Variants in TAF10 observed in about 807,000 individuals in gnomAD.
The protein encoded by TAF10 is transcription initiation factor TFIID subunit 10.
A neutral mutation model predicts 18.1 loss-of-function variants in TAF10; 2 were observed. The observed-to-expected ratio is 0.11, with a 90% CI of 0.05 to 0.35. The LOEUF (loss-of-function observed/expected upper bound fraction) is 0.35, where lower values mean the gene tolerates loss of function less well. TAF10 is among the 10% of genes least tolerant of loss of function. The pLI is 1.00. For synonymous variants in TAF10, 158 were observed against 134.6 expected (o/e 1.17, Z -1.20); for missense variants, 293 against 306.9 (o/e 0.95, Z 0.34).
Position 6,610,288 on chromosome 11 carries a change from C to CAACAGCATACATTTGTGTTGCGGG in TAF10, c.*610_*633dup. 1 of 1,614,110 alleles carries CAACAGCATACATTTGTGTTGCGGG rather than the reference C, an allele frequency of 6.2e-7. No homozygotes were observed. Among genetic ancestry groups the CAACAGCATACATTTGTGTTGCGGG allele is most frequent in the Non-Finnish European group, 8.5e-7 (1 of 1,180,040 alleles). ...GGAGATTGGAATGAAGGTGAGAGCACAACAGCATACATTTGTGTTGCGGGA... is the reference window on the plus strand; with the variant it reads ...GGAGATTGGAATGAAGGTGAGAGCACAACAGCATACATTTGTGTTGCGGGAACAGCATACATTTGTGTTGCGGGA... On this transcript the variant is annotated 3_prime_UTR_variant, in exon 5 of 5. Coordinates refer to ENST00000299424, the MANE Select transcript of TAF10 (RefSeq NM_006284.4).
chr11:6,609,128 C>G lies in TAF10; in HGVS notation c.*1794G>C. On this transcript the variant is annotated 3_prime_UTR_variant, in exon 5 of 5. Transcript: ENST00000299424. ...GACTTCAAACAGCTTAACTTCCTGACGAAGCTCAACGAGAATCACTCTGGA... is the reference window on the plus strand; with the variant it reads ...GACTTCAAACAGCTTAACTTCCTGAGGAAGCTCAACGAGAATCACTCTGGA... The G allele has an allele frequency of 6.2e-7, 1 of 1,614,128 alleles. No individual in the cohort carries two copies. The highest frequency in any genetic ancestry group is 1.1e-5 in the South Asian group (1 of 91,086).
chr11:6,611,225 C>G lies in TAF10; in HGVS notation c.531G>C (p.Lys177Asn), dbSNP rs1855449717. The stretch of plus-strand genomic sequence containing the variant: ...TCCGGGAGCTGCCGGAGGCCGTGCC[C>G]TTCATTTTGCAGTGCTGTAGGGCAT... ...ANDALQHCKM[K>N]GTASGSSRSK... Residue 177 changes from lysine (K) to asparagine (N), a missense_variant, in exon 4 of 5, where the codon AAG (lysine) becomes AAC (asparagine). Lys to Asn is a moderately conservative substitution (Grantham distance 94). Transcript: ENST00000299424. 1 of 1,613,994 alleles carries G rather than the reference C, an allele frequency of 6.2e-7. No homozygotes were observed. The highest frequency in any genetic ancestry group is 8.5e-7 in the Non-Finnish European group (1 of 1,180,040).
rs1474642222 is a variant in TAF10 at position 6,609,257 on chromosome 11, G to A, written c.*1665C>T. 8.7e-6 allele frequency: 14 copies of A among 1,603,820 alleles called. No homozygotes were observed. The highest frequency in any genetic ancestry group is 1.2e-5 in the Non-Finnish European group (14 of 1,170,816). ...CCTCCAGTTAGTGGGCAAGGAAGTG[G>A]CAGCAACATTTCAAGCCTCCTAACC... On this transcript the variant is annotated 3_prime_UTR_variant, in exon 5 of 5. Coordinates refer to ENST00000299424, the MANE Select transcript of TAF10 (RefSeq NM_006284.4).
rs1181885506 is a variant in TAF10 at position 6,609,843 on chromosome 11, A to G, written c.*1079T>C. The stretch of plus-strand genomic sequence containing the variant: ...ACATGCACTCAATAGCCGTAGTGTA[A>G]TGGTGAGGCCACAAGCTCACTCCTG... On this transcript the variant is annotated 3_prime_UTR_variant, in exon 5 of 5. Transcript: ENST00000299424. The G allele has an allele frequency of 6.2e-7, 1 of 1,614,080 alleles. No homozygotes were observed. The highest frequency in any genetic ancestry group is 8.5e-7 in the Non-Finnish European group (1 of 1,180,022).
In TAF10 at chr11:6,611,296, G is replaced by C. The variant is rs1227244704; in HGVS notation, c.460C>G (p.Leu154Val). 6.2e-7 allele frequency: 1 copy of C among 1,614,122 alleles called. No individual in the cohort carries two copies. Among genetic ancestry groups the C allele is most frequent in the Non-Finnish European group, 8.5e-7 (1 of 1,180,040 alleles). The change falls in exon 4 of 5, where the codon CTC becomes GTC. Residue 154 changes from leucine to valine, a missense_variant. Transcript: ENST00000299424. The stretch of plus-strand genomic sequence containing the variant: ...AATTTCTGGGCAGCTAAGGAGATGA[G>C]CCGAATTCTAGAGAGAAAAAACTTA... ...FEASDPRIIR[L>V]ISLAAQKFIS...
Position 6,610,455 on chromosome 11 carries a change from T to C in TAF10, c.*467A>G. On this transcript the variant is annotated 3_prime_UTR_variant, in exon 5 of 5. Coordinates refer to ENST00000299424, the MANE Select transcript of TAF10 (RefSeq NM_006284.4). Reference sequence around the variant, plus strand: ...TTGTGAGGCTGCTTTTTTTCTTGTATTCGCAGGTGGCATTGGAAGGCCTTC... The same window carrying C: ...TTGTGAGGCTGCTTTTTTTCTTGTACTCGCAGGTGGCATTGGAAGGCCTTC... The C allele has an allele frequency of 3.7e-6, 6 of 1,614,236 alleles. No homozygotes were observed. Among genetic ancestry groups the C allele is most frequent in the Non-Finnish European group, 5.1e-6 (6 of 1,180,046 alleles).
Position 6,611,942 on chromosome 11 carries a change from C to G in TAF10, c.232+16G>C. On this transcript the variant is annotated intron_variant, in intron 1 of 4. Transcript: ENST00000299424. ...CCCAAGACGCTTCCCTCGCCCTCAC[C>G]CGTCCCGGCCCTCACCCGCCCCACG... 1 of 1,574,302 alleles carries G rather than the reference C, an allele frequency of 6.4e-7. No individual in the cohort carries two copies. Among genetic ancestry groups the G allele is most frequent in the Non-Finnish European group, 8.6e-7 (1 of 1,167,490 alleles).
In TAF10 at chr11:6,607,666, T is replaced by A. The variant is rs1014070915; in HGVS notation, c.*3256A>T. The A allele has an allele frequency of 3.2e-6, 1 of 316,292 alleles. No homozygotes were observed. The highest frequency in any genetic ancestry group is 2.2e-5 in the African/African-American group (1 of 46,410). 19.6% of individuals were successfully genotyped at this position (316,292 alleles called of 1,614,324 possible). On this transcript the variant is annotated 3_prime_UTR_variant, in exon 5 of 5. Transcript: ENST00000299424. ...AGACAAGACAGTCCATTAACAGATT[T>A]TTACAATCCAGTGCAACAAGTGCTG...
Position 6,610,782 on chromosome 11 carries a change from C to A in TAF10, c.*140G>T. 1 of 1,324,430 alleles carries A rather than the reference C, an allele frequency of 7.6e-7. No homozygotes were observed. Among genetic ancestry groups the A allele is most frequent in the Non-Finnish European group, 1.1e-6 (1 of 933,798 alleles). The allele number at this position is 1,324,430 out of a possible 1,614,324, so 82.0% of individuals were successfully genotyped here. ...CCTACCACTGTGGCCCCAAGAGGGGCGGGCTCAGAGCTTTGTCACTTGCCA... is the reference window on the plus strand; with the variant it reads ...CCTACCACTGTGGCCCCAAGAGGGGAGGGCTCAGAGCTTTGTCACTTGCCA... On this transcript the variant is annotated 3_prime_UTR_variant, in exon 5 of 5. Transcript: ENST00000299424.
At position 6,611,724 on chromosome 11, in the gene TAF10, G is replaced by C. The variant is rs1266172723; in HGVS notation, c.327C>G (p.Pro109=). ...CCACCAAAGGCGTGCTGGACACCAC[G>C]GGCTTCACGTCTCCGTTGGCCGCGC... ...LPSAANGDVK[P]VVSSTPLVDF... The change falls in exon 2 of 5, where the codon CCC becomes CCG. Residue 109 remains proline (P), a synonymous_variant. Coordinates refer to ENST00000299424, the MANE Select transcript of TAF10 (RefSeq NM_006284.4). 1.9e-6 allele frequency: 3 copies of C among 1,611,344 alleles called. No individual in the cohort carries two copies. Among genetic ancestry groups the C allele is most frequent in the Middle Eastern group, 1.6e-4 (1 of 6,072 alleles).
In TAF10 at chr11:6,606,600, G is replaced by A. The variant is rs17173939; in HGVS notation, c.*4322C>T. 8,281 of 152,322 alleles carry A rather than the reference G, an allele frequency of 0.054. 338 individuals carry two copies. The highest frequency in any genetic ancestry group is 0.085 in the Non-Finnish European group (5,774 of 68,046). 9.4% of individuals were successfully genotyped at this position (152,322 alleles called of 1,614,324 possible). On this transcript the variant is annotated 3_prime_UTR_variant, in exon 5 of 5. Coordinates refer to ENST00000299424, the MANE Select transcript of TAF10 (RefSeq NM_006284.4). ...TCTAGGAAGACTCTAGGAAGATGCTGCCAGAAGGAAAAGGGGTGGAATTAA... is the reference window on the plus strand; with the variant it reads ...TCTAGGAAGACTCTAGGAAGATGCTACCAGAAGGAAAAGGGGTGGAATTAA...
In TAF10 at chr11:6,607,282, A is replaced by G. The variant is rs1031833657; in HGVS notation, c.*3640T>C. On this transcript the variant is annotated 3_prime_UTR_variant, in exon 5 of 5. Coordinates refer to ENST00000299424, the MANE Select transcript of TAF10 (RefSeq NM_006284.4). ...TTGTATACTTTACTTTATAAAATACATATTTCTTGGAAAAGAAAAAAATCA... is the reference window on the plus strand; with the variant it reads ...TTGTATACTTTACTTTATAAAATACGTATTTCTTGGAAAAGAAAAAAATCA... The G allele has an allele frequency of 6.6e-6, 1 of 152,374 alleles. No individual in the cohort carries two copies. Among genetic ancestry groups the G allele is most frequent in the South Asian group, 2.1e-4 (1 of 4,832 alleles). 9.4% of individuals were successfully genotyped at this position (152,374 alleles called of 1,614,324 possible). A position where few individuals can be genotyped will look rare whatever the true frequency, so the allele number is the denominator to read the frequency against.
Position 6,608,049 on chromosome 11 carries a change from C to T in TAF10, c.*2873G>A, listed in dbSNP as rs56057203. On this transcript the variant is annotated 3_prime_UTR_variant, in exon 5 of 5. Transcript: ENST00000299424. The surrounding 1 kb of genome is among the most constrained non-coding windows in gnomAD (Gnocchi z 4.9). The stretch of plus-strand genomic sequence containing the variant: ...GACCATTGCCCCTTCCTCAAAGGGA[C>T]GATCATGGCTTCTCCCCCTTGCACT... 1.2e-5 allele frequency: 19 copies of T among 1,613,854 alleles called. No individual in the cohort carries two copies. The highest frequency in any genetic ancestry group is 6.7e-5 in the African/African-American group (5 of 74,892).
At position 6,611,209 on chromosome 11, in the gene TAF10, T is replaced by TGCC. The variant is rs1421450393; in HGVS notation, c.544_546dup (p.Gly182dup). 2 of 1,614,002 alleles carry TGCC rather than the reference T, an allele frequency of 1.2e-6. No homozygotes were observed. The highest frequency in any genetic ancestry group is 1.3e-5 in the African/African-American group (1 of 74,944). ...CACACCTTGCTCTTGCTCCGGGAGC[T>TGCC]GCCGGAGGCCGTGCCCTTCATTTTG... is the stretch of plus-strand genomic sequence containing the variant. On this transcript the variant is annotated inframe_insertion, in exon 4 of 5. Coordinates refer to ENST00000299424, the MANE Select transcript of TAF10 (RefSeq NM_006284.4).
At position 6,611,779 on chromosome 11, in the gene TAF10, G is replaced by T. The variant is rs201656714; in HGVS notation, c.272C>A (p.Ala91Asp). 5 of 1,605,120 alleles carry T rather than the reference G, an allele frequency of 3.1e-6. No individual in the cohort carries two copies. In the African/African-American group the frequency reaches 5.3e-5, roughly 17 times the overall value. The change falls in exon 2 of 5, where the codon GCC (alanine) becomes GAC (aspartate). Residue 91 changes from alanine (A) to aspartate (D), a missense_variant. By Grantham distance (126) the Ala-to-Asp change is moderately radical. Coordinates refer to ENST00000299424, the MANE Select transcript of TAF10 (RefSeq NM_006284.4). ...CAGTACGTAAACCCCGTTAGATATGGCCCCCTCCGGGGGCGCCGCGCCACC... is the reference window on the plus strand; with the variant it reads ...CAGTACGTAAACCCCGTTAGATATGTCCCCCTCCGGGGGCGCCGCGCCACC... ...SAGGAAPPEG[A>D]ISNGVYVLPS...
rs1855334579 is a variant in TAF10 at position 6,609,978 on chromosome 11, A to C, written c.*944T>G. 2 of 1,614,194 alleles carry C rather than the reference A, an allele frequency of 1.2e-6. No individual in the cohort carries two copies. The highest frequency in any genetic ancestry group is 1.7e-6 in the Non-Finnish European group (2 of 1,180,040). On this transcript the variant is annotated 3_prime_UTR_variant, in exon 5 of 5. Coordinates refer to ENST00000299424, the MANE Select transcript of TAF10 (RefSeq NM_006284.4). The stretch of plus-strand genomic sequence containing the variant: ...TGCCCGAATTAGCATGGCTGATGTC[A>C]AGTTCTCTTTCCAATGTCCTGGTCG...
Position 6,608,892 on chromosome 11 carries a change from G to A in TAF10, c.*2030C>T. On this transcript the variant is annotated 3_prime_UTR_variant, in exon 5 of 5. Transcript: ENST00000299424. This position sits in a 1 kb window ranked among gnomAD's most constrained non-coding sequence, Gnocchi z 4.9. Reference sequence around the variant, plus strand: ...TTGTTTTTCTTCCCTAGAGCGGGCAGAGAAGATGGGCCAGAATCTCAACCG... The same window carrying A: ...TTGTTTTTCTTCCCTAGAGCGGGCAAAGAAGATGGGCCAGAATCTCAACCG... 2 of 1,614,218 alleles carry A rather than the reference G, an allele frequency of 1.2e-6. No homozygotes were observed. Among genetic ancestry groups the A allele is most frequent in the South Asian group, 2.2e-5 (2 of 91,088 alleles).
At position 6,609,670 on chromosome 11, in the gene TAF10, G is replaced by A; in HGVS notation, c.*1252C>T. 2 of 1,614,200 alleles carry A rather than the reference G, an allele frequency of 1.2e-6. No individual in the cohort carries two copies. The highest frequency in any genetic ancestry group is 1.1e-5 in the South Asian group (1 of 91,084). On this transcript the variant is annotated 3_prime_UTR_variant, in exon 5 of 5. Transcript: ENST00000299424. ...TAGGGATGTTGAATTTCCTTGGGGAGGAAATGGCAGAGAGGGAGCCTCTCT... is the reference window on the plus strand; with the variant it reads ...TAGGGATGTTGAATTTCCTTGGGGAAGAAATGGCAGAGAGGGAGCCTCTCT...
At position 6,608,445 on chromosome 11, in the gene TAF10, C is replaced by T; in HGVS notation, c.*2477G>A. 6.2e-7 allele frequency: 1 copy of T among 1,614,124 alleles called. No homozygotes were observed. Among genetic ancestry groups the T allele is most frequent in the Non-Finnish European group, 8.5e-7 (1 of 1,179,956 alleles). ...TGCAGTGAATGAACACGGGAATGTG[C>T]CCCTGCACTATGCCTGTTTTTGGGG... On this transcript the variant is annotated 3_prime_UTR_variant, in exon 5 of 5. Transcript: ENST00000299424. The surrounding 1 kb of genome is among the most constrained non-coding windows in gnomAD (Gnocchi z 4.9).
Sources: allele counts gnomAD v4.1 joint callset, GRCh38; gene constraint gnomAD v4.1.1; non-coding constraint Gnocchi (gnomAD v3.1); transcripts MANE v1.5; gene names NCBI Gene and HGNC (gene_info 2026-07-23, HGNC 2026-07-21).